Variants in BCAS4 observed in about 807,000 individuals in gnomAD.
The protein encoded by BCAS4 is breast carcinoma-amplified sequence 4.
A neutral mutation model predicts 15.7 loss-of-function variants in BCAS4; 9 were observed. The observed-to-expected ratio is 0.57, with a 90% CI of 0.34 to 1.00. BCAS4 has a LOEUF of 1.00. BCAS4 is among the 50% of genes least tolerant of loss of function. BCAS4 has a pLI of 0.02. For missense variants in BCAS4, 225 were observed against 239.1 expected, an observed-to-expected ratio of 0.94 and a Z score of 0.39; for synonymous variants, 101 against 99.5, an observed-to-expected ratio of 1.02 and a Z score of -0.09.
chr20:50,832,344 G>A lies in BCAS4; in HGVS notation c.264+1964G>A, dbSNP rs563989351. Among the ~76,000 whole-genome samples, 5 of 151,444 alleles carry A rather than the reference G, an allele frequency of 3.3e-5. No homozygotes were observed. In the East Asian group the frequency reaches 5.8e-4, roughly 18 times the overall value. Reference sequence around the variant, plus strand: ...ATGATCTCGGCTCTCTGCAACCTCCGCCTCCCGGGTTCAAGTGATTCTCCT... The same window carrying A: ...ATGATCTCGGCTCTCTGCAACCTCCACCTCCCGGGTTCAAGTGATTCTCCT... On this transcript the variant is annotated intron_variant, in intron 3 of 4. Transcript: ENST00000371608.
At chr20:50,841,622 C>A in intron 3 of BCAS4, 144 bp from the exon 4 acceptor site, 1 of 1,086,116 alleles carries the variant, frequency 9.2e-7, no homozygotes, top group Admixed American at 2.6e-5. Context: ...CTAAGCAGGC[C>A]CTGCTGCCTT....
upstream of BCAS4, chr20:50,794,918 C>G (rs2087830432): frequency 9.6e-7 from 1 of 1,039,368 alleles, no homozygotes; most frequent in African/African-American, 1.7e-5. Context: ...GCCCGCTCGG[C>G]CCGGCGCTCC....
chr20:50,804,623 G>A (rs1569017062), intron 1 of BCAS4, among the ~76,000 whole-genome samples: 1 of 152,210 alleles, frequency 6.6e-6, no homozygotes, highest in South Asian at 2.1e-4. Context: ...TTTTAGACAA[G>A]ATTGAGTGCG....
chr20:50,818,661 G>A (rs1009573970), intron 2 of BCAS4, among the ~76,000 whole-genome samples: 1 of 152,224 alleles, frequency 6.6e-6, no homozygotes, highest in African/African-American at 2.4e-5. Context: ...GTGCAAACAT[G>A]GAGACAGCCA....
intron 4 of BCAS4, among the ~76,000 whole-genome samples, chr20:50,857,035 G>A (rs1235906639): frequency 1.3e-5 from 2 of 152,206 alleles, no homozygotes; most frequent in Admixed American, 6.5e-5. Context: ...AACATTGTAC[G>A]TTTGTGCTGT....
chr20:50,863,248 CTTTTTT>C (rs1054175958), intron 4 of BCAS4, among the ~76,000 whole-genome samples: 24 of 86,094 alleles, frequency 2.8e-4, no homozygotes, highest in African/African-American at 1.3e-3. Context: ...CTAACTGGTG[CTTTTTT>C]TTTTTTTTTT....
chr20:50,815,712 T>C (rs2088128633), intron 1 of BCAS4, among the ~76,000 whole-genome samples: 1 of 152,210 alleles, frequency 6.6e-6, no homozygotes, highest in South Asian at 2.1e-4. Flanking sequence ...AGATGTTTTT[T>C]TGTGCAGTCG....
intron 4 of BCAS4, among the ~76,000 whole-genome samples, chr20:50,867,513 A>AT (rs1979418791): frequency 6.6e-6 from 1 of 151,390 alleles, no homozygotes; most frequent in African/African-American, 2.4e-5. Flanking sequence ...TGCCCAGCTA[A>AT]TTTTTTTGGG....
At chr20:50,843,594 C>T (rs2088508846) in intron 4 of BCAS4, among the ~76,000 whole-genome samples, 1 of 152,198 alleles carries the variant, frequency 6.6e-6, no homozygotes, top group African/African-American at 2.4e-5. Context: ...CTGCCTGCTT[C>T]CAGGTGAGTG....
At chr20:50,834,797 A>G (rs1600871200) in intron 3 of BCAS4, among the ~76,000 whole-genome samples, 1 of 152,204 alleles carries the variant, frequency 6.6e-6, no homozygotes, top group East Asian at 1.9e-4. Context: ...TGCTAATGGA[A>G]TCATACCATA....
chr20:50,800,559 CTTT>C (rs562113048), intron 1 of BCAS4, among the ~76,000 whole-genome samples: 1,571 of 112,556 alleles, frequency 0.014, 28 homozygotes, highest in African/African-American at 0.055. Flanking sequence ...TTGAACATCC[CTTT>C]TTTTTTTTTT....
At chr20:50,822,109 G>C (rs1480253766) in intron 2 of BCAS4, among the ~76,000 whole-genome samples, 5 of 152,204 alleles carry the variant, frequency 3.3e-5, no homozygotes. Flanking sequence ...TTCATCACTT[G>C]TCTGGTACCT....
intron 3 of BCAS4, chr20:50,840,596 A>G (rs2088466032): frequency 6.3e-7 from 1 of 1,575,898 alleles, no homozygotes; most frequent in Non-Finnish European, 8.7e-7. Flanking sequence ...TACAGTGCAT[A>G]TTGACGGCAC....
intron 1 of BCAS4, among the ~76,000 whole-genome samples, chr20:50,802,662 A>G (rs1280789124): frequency 6.6e-6 from 1 of 152,224 alleles, no homozygotes; most frequent in Non-Finnish European, 1.5e-5. Context: ...ACTTGAGGTT[A>G]GGAGTTCCAG....
intron 4 of BCAS4, among the ~76,000 whole-genome samples, 192 bp from the exon 5 acceptor site, chr20:50,876,294 A>T (rs923407338): frequency 6.6e-6 from 1 of 151,744 alleles, no homozygotes; most frequent in Non-Finnish European, 1.5e-5. Context: ...CATTGTGGAG[A>T]GGGCCTGACA....
chr20:50,875,414 G>C (rs1170291289), intron 4 of BCAS4, among the ~76,000 whole-genome samples: 1 of 152,130 alleles, frequency 6.6e-6, no homozygotes, highest in Admixed American at 6.5e-5. Flanking sequence ...TTTTGAAAGA[G>C]TAGCACATGC....
intron 3 of BCAS4, among the ~76,000 whole-genome samples, chr20:50,834,039 G>A (rs1182516861): frequency 1.3e-5 from 2 of 152,156 alleles, no homozygotes; most frequent in African/African-American, 2.4e-5. Context: ...GGCACCTGGG[G>A]CCTGGGAGGA....
In BCAS4 at chr20:50,840,488, G is replaced by A. The variant is rs1258155704; in HGVS notation, c.265-1278G>A. Reference sequence around the variant, plus strand: ...TTGTCAGTAGTTCTTTGATGTGAAAGGGGCAGCACAGTCATTTAAACTTGA... The same window carrying A: ...TTGTCAGTAGTTCTTTGATGTGAAAAGGGCAGCACAGTCATTTAAACTTGA... On this transcript the variant is annotated intron_variant, in intron 3 of 4. Transcript: ENST00000371608. 5 of 1,107,340 alleles carry A rather than the reference G, an allele frequency of 4.5e-6. No homozygotes were observed. In the African/African-American group the frequency reaches 4.6e-5, roughly 10 times the overall value. 68.6% of individuals were successfully genotyped at this position (1,107,340 alleles called of 1,614,324 possible). A position where few individuals can be genotyped will look rare whatever the true frequency, so the allele number is the denominator to read the frequency against.
intron 4 of BCAS4, among the ~76,000 whole-genome samples, chr20:50,864,102 G>A (rs1409302541): frequency 6.6e-6 from 1 of 152,226 alleles, no homozygotes; most frequent in African/African-American, 2.4e-5. Context: ...AGCACAGGAT[G>A]AAGAACACCA....
Sources: gnomAD v4.1 joint callset for allele counts (sites outside exome capture counted in the v4.1 genomes callset) on GRCh38, gnomAD v4.1.1 for gene constraint, MANE v1.5 for transcripts, NCBI Gene and HGNC (gene_info 2026-07-23, HGNC 2026-07-21) for gene names.